Variants in RTN1 observed in about 807,000 individuals in gnomAD.
RTN1 encodes reticulon-1.
In RTN1, 25 loss-of-function variants were observed where a neutral mutation model predicts 65.5. That is an observed-to-expected ratio of 0.38 (90% CI 0.28 to 0.53). The LOEUF is 0.53. RTN1 is among the 20% of genes least tolerant of loss of function. The pLI is 0.79. For missense variants in RTN1, 983 were observed against 1,025.4 expected (o/e 0.96, Z 0.57); for synonymous variants, 471 against 447.6 (o/e 1.05, Z -0.66).
chr14:59,735,786 G>C (rs764966917), intron 2 of RTN1, among the ~76,000 whole-genome samples: 29 of 152,038 alleles, frequency 1.9e-4, no homozygotes, highest in Admixed American at 1.1e-3. Context: ...CACAATAACA[G>C]TGGGAGACTT....
chr14:59,749,268 A>ATATATATCTATATATATCTATATATATC (rs1885322774), intron 1 of RTN1, among the ~76,000 whole-genome samples: 1 of 21,094 alleles, frequency 4.7e-5, no homozygotes, highest in Non-Finnish European at 7.3e-5. Flanking sequence ...ATATATATCT[A>ATATATATCTATATATATCTATATATATC]TATATATATC....
At chr14:59,675,541 T>G (rs1883608736) in intron 3 of RTN1, among the ~76,000 whole-genome samples, 1 of 122,500 alleles carries the variant, frequency 8.2e-6, no homozygotes, top group Admixed American at 8.3e-5. Flanking sequence ...CACAATTAAA[T>G]TGTAAAAATA....
At chr14:59,824,040 G>C (rs749236280) in intron 1 of RTN1, among the ~76,000 whole-genome samples, 1 of 152,066 alleles carries the variant, frequency 6.6e-6, no homozygotes. Context: ...CCTCCTCTAA[G>C]CTTAAGTTTC....
Position 59,727,570 on chromosome 14 carries a change from C to G in RTN1, c.1114G>C (p.Glu372Gln). Residue 372 changes from glutamate to glutamine, a missense_variant, in exon 3 of 9, where the codon GAG (glutamate) becomes CAG (glutamine). By Grantham distance (29) the Glu-to-Gln change is conservative (BLOSUM62 2). This residue lies in a region of RTN1 where 818 missense variants were observed against 801.8 expected (regional missense o/e 1.02). Coordinates refer to ENST00000267484, the MANE Select transcript of RTN1 (RefSeq NM_021136.3). This position sits in a 1 kb window ranked among gnomAD's most constrained non-coding sequence, Gnocchi z 4.2. ...EAKGLSYETA[E>Q]NPRPVGQLAD... ...AGCTGGCCCACCGGCCGTGGGTTCTCGGCGGTTTCATACGATAATCCCTTT... is the reference window on the plus strand; with the variant it reads ...AGCTGGCCCACCGGCCGTGGGTTCTGGGCGGTTTCATACGATAATCCCTTT... 1 of 1,611,984 alleles carries G rather than the reference C, an allele frequency of 6.2e-7. No homozygotes were observed. Among genetic ancestry groups the G allele is most frequent in the Non-Finnish European group, 8.5e-7 (1 of 1,179,516 alleles).
In RTN1 at chr14:59,771,846, A is replaced by G. The variant is rs182097048; in HGVS notation, c.242-25365T>C. 3.1e-3 allele frequency among the ~76,000 whole-genome samples: 476 copies of G among 152,346 alleles called. 4 individuals are homozygous for G. The highest frequency in any genetic ancestry group is 0.01 in the African/African-American group (434 of 41,584). On this transcript the variant is annotated intron_variant, in intron 1 of 8. Coordinates refer to ENST00000267484, the MANE Select transcript of RTN1 (RefSeq NM_021136.3). ...GACAGCATTCCCAGAAGAATTACTC[A>G]TGTATGGATTCATGCCATTTTGCAT...
chr14:59,800,434 T>C (rs941250799), intron 1 of RTN1, among the ~76,000 whole-genome samples: 43 of 152,208 alleles, frequency 2.8e-4, no homozygotes, highest in African/African-American at 1.0e-3. Flanking sequence ...AGAGTCTCAC[T>C]CTGTCCCCCA....
intron 3 of RTN1, chr14:59,610,134 G>C: frequency 1.3e-6 from 1 of 776,614 alleles, no homozygotes; most frequent in Non-Finnish European, 2.4e-6. Flanking sequence ...GGTAGAAATG[G>C]CATGCCCTCT....
At chr14:59,720,065 C>A (rs987623716) in intron 3 of RTN1, among the ~76,000 whole-genome samples, 3 of 152,004 alleles carry the variant, frequency 2.0e-5, no homozygotes, top group Non-Finnish European at 4.4e-5. Context: ...TTTATTGTGT[C>A]CCAAAGATTT....
intron 1 of RTN1, among the ~76,000 whole-genome samples, chr14:59,759,277 G>C (rs995242172): frequency 5.9e-5 from 9 of 152,102 alleles, no homozygotes; most frequent in African/African-American, 2.2e-4. Context: ...CTCATTGCTT[G>C]CTCTGCACAC....
intron 3 of RTN1, among the ~76,000 whole-genome samples, chr14:59,721,850 C>T (rs1034562852): frequency 2.6e-5 from 4 of 152,188 alleles, no homozygotes; most frequent in Non-Finnish European, 5.9e-5. Context: ...TTAACTTTGT[C>T]TCAGGCTAAT....
Position 59,742,301 on chromosome 14 carries a change from AG to A in RTN1, c.1015+3406del, listed in dbSNP as rs1368268408. 5.3e-5 allele frequency among the ~76,000 whole-genome samples: 8 copies of A among 152,240 alleles called. No individual in the cohort carries two copies. In the East Asian group the frequency reaches 1.5e-3, roughly 29 times the overall value. The stretch of plus-strand genomic sequence containing the variant: ...GAGGCTAATAGCTCACATAACACCC[AG>A]GACCATCATAATATCCCTCTTGGTG... On this transcript the variant is annotated intron_variant, in intron 2 of 8. Coordinates refer to ENST00000267484, the MANE Select transcript of RTN1 (RefSeq NM_021136.3).
At chr14:59,772,185 T>C (rs1456595708) in intron 1 of RTN1, among the ~76,000 whole-genome samples, 1 of 152,166 alleles carries the variant, frequency 6.6e-6, no homozygotes, top group African/African-American at 2.4e-5. Flanking sequence ...AAAATCTGTT[T>C]GTTTTTATAT....
rs1288117231 is a variant in RTN1 at position 59,740,326 on chromosome 14, G to C, written c.1015+5382C>G. Among the ~76,000 whole-genome samples the C allele has an allele frequency of 1.3e-5, 2 of 152,308 alleles. 1 individual carries two copies. The highest frequency in any genetic ancestry group is 3.9e-4 in the East Asian group (2 of 5,170). On this transcript the variant is annotated intron_variant, in intron 2 of 8. Transcript: ENST00000267484. ...TGCCCTCAGAAATTCTGCCTTAGTA[G>C]AAGTAGGTCTGGATGTAACTCCATG...
At chr14:59,820,401 T>G (rs1226805041) in intron 1 of RTN1, among the ~76,000 whole-genome samples, 1 of 150,348 alleles carries the variant, frequency 6.7e-6, no homozygotes, top group Non-Finnish European at 1.5e-5. Context: ...GCTTTTTACT[T>G]TAATTAGGTC....
chr14:59,632,331 A>T (rs904966038), intron 3 of RTN1, among the ~76,000 whole-genome samples: 4 of 151,920 alleles, frequency 2.6e-5, no homozygotes, highest in African/African-American at 9.7e-5. Context: ...CCTCCTCCCA[A>T]TTTTTTTCAT....
intron 8 of RTN1, among the ~76,000 whole-genome samples, chr14:59,601,710 A>G (rs1248970654): frequency 6.6e-6 from 1 of 152,168 alleles, no homozygotes; most frequent in Non-Finnish European, 1.5e-5. Context: ...TAGTTTATGA[A>G]CACAGTTCTA....
At chr14:59,723,608 T>G (rs560090440) in intron 3 of RTN1, among the ~76,000 whole-genome samples, 1 of 152,052 alleles carries the variant, frequency 6.6e-6, no homozygotes, top group Admixed American at 6.5e-5. Context: ...AGAGCGAGAC[T>G]CCGTCTCAAA....
rs114049686 is a variant in RTN1 at position 59,797,359 on chromosome 14, C to T, written c.242-50878G>A. On this transcript the variant is annotated intron_variant, in intron 1 of 8. Coordinates refer to ENST00000267484, the MANE Select transcript of RTN1 (RefSeq NM_021136.3). Reference sequence around the variant, plus strand: ...ATGTGTATTGCAAATGCAACCTATGCCAATTAAAAGATCAGCTTTGAAAGG... The same window carrying T: ...ATGTGTATTGCAAATGCAACCTATGTCAATTAAAAGATCAGCTTTGAAAGG... 3.2e-3 allele frequency among the ~76,000 whole-genome samples: 489 copies of T among 152,200 alleles called. 3 individuals are homozygous for T. Among genetic ancestry groups the T allele is most frequent in the African/African-American group, 0.011 (457 of 41,532 alleles).
intron 3 of RTN1, among the ~76,000 whole-genome samples, chr14:59,609,271 C>T (rs940105562): frequency 4.1e-5 from 6 of 144,688 alleles, no homozygotes; most frequent in Admixed American, 1.4e-4. Flanking sequence ...GAAACAAGAG[C>T]GAAACTCTGT....
Sources: allele counts gnomAD v4.1 joint callset (sites outside exome capture counted in the v4.1 genomes callset), GRCh38; gene constraint gnomAD v4.1.1; regional missense constraint gnomAD v4.1.1; non-coding constraint Gnocchi (gnomAD v3.1); transcripts MANE v1.5; gene names NCBI Gene and HGNC (gene_info 2026-07-23, HGNC 2026-07-21).